EPHA6: variants seen among roughly 807,000 people sequenced by gnomAD.
EPHA6 encodes the protein EPH receptor A6, also known as ephrin type-A receptor 6.
EPHA6 carries 50 observed loss-of-function variants against 112.0 expected under a neutral mutation model. That is an observed-to-expected ratio of 0.45 (90% CI 0.36 to 0.56). EPHA6 has a LOEUF of 0.56. EPHA6 is among the 20% of genes least tolerant of loss of function. The pLI is 0.00. For synonymous variants in EPHA6, 529 were observed against 490.7 expected (o/e 1.08, Z -1.03); for missense variants, 1,280 against 1,417.4 (o/e 0.90, Z 1.56).
At chr3:97,534,176 G>A (rs892621702) in intron 11 of EPHA6, among the ~76,000 whole-genome samples, 1 of 152,112 alleles carries the variant, frequency 6.6e-6, no homozygotes, top group Non-Finnish European at 1.5e-5. Flanking sequence ...AATGCTGTAA[G>A]AATTAAATTT....
At chr3:97,341,352 T>A (rs1238619104) in intron 5 of EPHA6, among the ~76,000 whole-genome samples, 1 of 151,436 alleles carries the variant, frequency 6.6e-6, no homozygotes, top group Non-Finnish European at 1.5e-5. Context: ...CTGCTCATGC[T>A]TTTCTTTCCT....
chr3:97,055,536 T>C lies in EPHA6; in HGVS notation c.1114+67543T>C, dbSNP rs1285126663. Among the ~76,000 whole-genome samples, 3 of 152,112 alleles carry C rather than the reference T, an allele frequency of 2.0e-5. No homozygotes were observed. The East Asian group carries it at 5.8e-4, about 29-fold the overall frequency. ...GATTCATATGGAAATACACAAGGGTTTGCAGACTGACACTAAAATAAACAG... is the reference window on the plus strand; with the variant it reads ...GATTCATATGGAAATACACAAGGGTCTGCAGACTGACACTAAAATAAACAG... On this transcript the variant is annotated intron_variant, in intron 3 of 17. Coordinates refer to ENST00000389672, the MANE Select transcript of EPHA6 (RefSeq NM_001080448.3).
At chr3:97,548,096 C>T (rs1461117222) in intron 11 of EPHA6, among the ~76,000 whole-genome samples, 1 of 152,322 alleles carries the variant, frequency 6.6e-6, no homozygotes, top group East Asian at 1.9e-4. Context: ...TCTGGCACTC[C>T]CCAGTGAGAT....
chr3:97,415,514 G>A (rs553286114), intron 6 of EPHA6, among the ~76,000 whole-genome samples: 1 of 152,142 alleles, frequency 6.6e-6, no homozygotes, highest in South Asian at 2.1e-4. Flanking sequence ...GTTGAGATGA[G>A]GGTATGAATT....
At chr3:97,548,617 T>C (rs2092990051) in intron 11 of EPHA6, among the ~76,000 whole-genome samples, 2 of 152,212 alleles carry the variant, frequency 1.3e-5, no homozygotes. Context: ...GATTGTTCTA[T>C]ACATAGAATT....
chr3:97,286,871 G>T (rs75401281), intron 5 of EPHA6, among the ~76,000 whole-genome samples: 1 of 151,934 alleles, frequency 6.6e-6, no homozygotes, highest in African/African-American at 2.4e-5. Flanking sequence ...CAATCCATGA[G>T]CATGGGTTGT....
rs1371932643 is a variant in EPHA6 at position 97,761,207 on chromosome 3, A to G, written c.*12506A>G. 5.1e-6 allele frequency: 1 copy of G among 197,282 alleles called. No homozygotes were observed. Among genetic ancestry groups the G allele is most frequent in the African/African-American group, 2.3e-5 (1 of 43,372 alleles). 12.2% of individuals were successfully genotyped at this position (197,282 alleles called of 1,614,324 possible). On this transcript the variant is annotated 3_prime_UTR_variant, in exon 18 of 18. Coordinates refer to ENST00000389672, the MANE Select transcript of EPHA6 (RefSeq NM_001080448.3). ...TATTTTTATCTTACAAAAATCTACT[A>G]TAATATTAATAACTTTCCATGTAAA... is the stretch of plus-strand genomic sequence containing the variant.
chr3:97,393,797 T>C (rs1164219764), intron 5 of EPHA6, among the ~76,000 whole-genome samples: 1 of 151,832 alleles, frequency 6.6e-6, no homozygotes, highest in East Asian at 1.9e-4. Context: ...AGATCGACTT[T>C]TTTAGATGAC....
Position 97,759,548 on chromosome 3 carries a change from G to A in EPHA6, c.*10847G>A, listed in dbSNP as rs1014260881. 10 of 230,896 alleles carry A rather than the reference G, an allele frequency of 4.3e-5. No individual in the cohort carries two copies. Among genetic ancestry groups the A allele is most frequent in the Non-Finnish European group, 8.6e-5 (10 of 116,638 alleles). 14.3% of individuals were successfully genotyped at this position (230,896 alleles called of 1,614,324 possible). A position where few individuals can be genotyped will look rare whatever the true frequency, so the allele number is the denominator to read the frequency against. Reference sequence around the variant, plus strand: ...AAGAGAGATGATAATTGTAACAAAGGCCTTGAGAGATAGAGGGGTTGCGAT... The same window carrying A: ...AAGAGAGATGATAATTGTAACAAAGACCTTGAGAGATAGAGGGGTTGCGAT... On this transcript the variant is annotated 3_prime_UTR_variant, in exon 18 of 18. Transcript: ENST00000389672.
Position 97,737,980 on chromosome 3 carries a change from G to T in EPHA6, c.3128+1862G>T, listed in dbSNP as rs377061730. 5.3e-5 allele frequency among the ~76,000 whole-genome samples: 8 copies of T among 152,134 alleles called. No individual in the cohort carries two copies. The East Asian group carries it at 1.5e-3, about 29-fold the overall frequency. ...GAGTTTCAAGGAGTATAATGTCCAA[G>T]CCTTCACAAAATTGCAGTAAAATAA... On this transcript the variant is annotated intron_variant, in intron 16 of 17. Transcript: ENST00000389672.
intron 14 of EPHA6, among the ~76,000 whole-genome samples, chr3:97,709,875 C>G (rs1278947608): frequency 1.3e-5 from 2 of 152,160 alleles, no homozygotes; most frequent in African/African-American, 4.8e-5. Context: ...TTGCTTCCCC[C>G]TCACCTACCG....
intron 10 of EPHA6, among the ~76,000 whole-genome samples, chr3:97,503,189 G>A (rs1386548220): frequency 6.6e-6 from 1 of 152,022 alleles, no homozygotes; most frequent in Non-Finnish European, 1.5e-5. Context: ...AGGATAAATA[G>A]GAAACTAAAT....
intron 14 of EPHA6, among the ~76,000 whole-genome samples, chr3:97,682,366 T>C (rs879439911): frequency 6.6e-6 from 1 of 152,130 alleles, no homozygotes; most frequent in Admixed American, 6.6e-5. Flanking sequence ...AATGAAATGA[T>C]TTAAATGAAG....
At chr3:96,838,546 ACAT>A (rs2034554014) in intron 1 of EPHA6, among the ~76,000 whole-genome samples, 5 of 152,100 alleles carry the variant, frequency 3.3e-5, no homozygotes, top group Admixed American at 3.3e-4. Context: ...TTTCTCTATA[ACAT>A]CAGCAGCATC....
At chr3:96,923,251 C>A (rs1032885910) in intron 2 of EPHA6, among the ~76,000 whole-genome samples, 4 of 152,136 alleles carry the variant, frequency 2.6e-5, no homozygotes, top group African/African-American at 9.7e-5. Flanking sequence ...ATTTACACTC[C>A]CACCAACAAT....
At chr3:96,919,237 CTGTT>C (rs1258877591) in intron 2 of EPHA6, among the ~76,000 whole-genome samples, 4 of 151,842 alleles carry the variant, frequency 2.6e-5, no homozygotes, top group African/African-American at 9.7e-5. Flanking sequence ...ATTAGATCAT[CTGTT>C]AGTATACTAC....
chr3:96,867,090 T>C (rs2036360358), intron 2 of EPHA6, among the ~76,000 whole-genome samples: 1 of 151,896 alleles, frequency 6.6e-6, no homozygotes, highest in Admixed American at 6.6e-5. Context: ...CCTAAATTAG[T>C]AATTATTCTT....
chr3:97,355,349 G>A (rs1162799378), intron 5 of EPHA6, among the ~76,000 whole-genome samples: 1 of 151,984 alleles, frequency 6.6e-6, no homozygotes, highest in African/African-American at 2.4e-5. Context: ...ATAGAAACAA[G>A]AAACAGTTCA....
chr3:97,301,438 T>C (rs1255987182), intron 5 of EPHA6, among the ~76,000 whole-genome samples: 1 of 152,210 alleles, frequency 6.6e-6, no homozygotes, highest in Non-Finnish European at 1.5e-5. Context: ...AGTACTCAAA[T>C]TGGTTTACCA....
Sources: allele counts gnomAD v4.1 joint callset (sites outside exome capture counted in the v4.1 genomes callset), GRCh38; gene constraint gnomAD v4.1.1; transcripts MANE v1.5; gene names NCBI Gene and HGNC (gene_info 2026-07-23, HGNC 2026-07-21).